ST6GALNAC3: variants seen among roughly 807,000 people sequenced by gnomAD.
The protein encoded by ST6GALNAC3 is alpha-N-acetylgalactosaminide alpha-2,6-sialyltransferase 3.
In ST6GALNAC3, 25 loss-of-function variants were observed where a neutral mutation model predicts 32.7. The ratio of observed to expected loss-of-function variants is 0.76; its 90% CI spans 0.56 to 1.07. The LOEUF (loss-of-function observed/expected upper bound fraction) is 1.07, where lower values mean the gene tolerates loss of function less well. Ranked by LOEUF, ST6GALNAC3 falls within the 50% of genes least tolerant of loss-of-function variation. The pLI, the probability that ST6GALNAC3 is intolerant of heterozygous loss-of-function variation, is 0.00. For synonymous variants in ST6GALNAC3, 129 were observed against 133.1 expected, an observed-to-expected ratio of 0.97 and a Z score of 0.21; for missense variants, 355 against 382.4, an observed-to-expected ratio of 0.93 and a Z score of 0.60.
chr1:76,126,408 C>T (rs1649244376), intron 1 of ST6GALNAC3, among the ~76,000 whole-genome samples: 1 of 141,728 alleles, frequency 7.1e-6, no homozygotes, highest in South Asian at 2.3e-4. Context: ...TTTTCCCTCC[C>T]TCCCTCCCTC....
intron 1 of ST6GALNAC3, among the ~76,000 whole-genome samples, chr1:76,177,168 G>C (rs1434239959): frequency 6.6e-6 from 1 of 152,074 alleles, no homozygotes; most frequent in Non-Finnish European, 1.5e-5. Context: ...AGTTAAATTG[G>C]AAACAAAAGT....
At chr1:76,434,631 T>G (rs1656002127) in intron 3 of ST6GALNAC3, among the ~76,000 whole-genome samples, 1 of 152,126 alleles carries the variant, frequency 6.6e-6, no homozygotes, top group Non-Finnish European at 1.5e-5. Flanking sequence ...AGGGAGAGGT[T>G]AAAGTTAAAA....
At chr1:76,380,610 C>T (rs1386764889) in intron 2 of ST6GALNAC3, among the ~76,000 whole-genome samples, 1 of 152,066 alleles carries the variant, frequency 6.6e-6, no homozygotes, top group African/African-American at 2.4e-5. Flanking sequence ...TGTCATGGAA[C>T]ACTATGTAGC....
At chr1:76,479,009 C>T (rs1426172135) in intron 3 of ST6GALNAC3, among the ~76,000 whole-genome samples, 1 of 151,990 alleles carries the variant, frequency 6.6e-6, no homozygotes, top group Admixed American at 6.6e-5. Flanking sequence ...GTGATCTGCC[C>T]ACCTTGGCCT....
chr1:76,592,943 TA>T (rs1473974724), intron 3 of ST6GALNAC3, among the ~76,000 whole-genome samples: 4 of 152,102 alleles, frequency 2.6e-5, no homozygotes, highest in African/African-American at 7.2e-5. Context: ...AATCCACTTT[TA>T]AAAGGGGAAT....
At chr1:76,360,973 G>T (rs748075818) in intron 2 of ST6GALNAC3, among the ~76,000 whole-genome samples, 1 of 152,068 alleles carries the variant, frequency 6.6e-6, no homozygotes, top group Non-Finnish European at 1.5e-5. Flanking sequence ...AGGAGTGAAG[G>T]CCAGGGTTTC....
intron 3 of ST6GALNAC3, among the ~76,000 whole-genome samples, chr1:76,439,205 G>A (rs1400333344): frequency 6.6e-6 from 1 of 152,136 alleles, no homozygotes; most frequent in Non-Finnish European, 1.5e-5. Flanking sequence ...GATCTCCAAG[G>A]GAGGGCATGA....
intron 3 of ST6GALNAC3, among the ~76,000 whole-genome samples, chr1:76,576,487 G>C (rs1227347799): frequency 1.3e-5 from 2 of 152,034 alleles, no homozygotes; most frequent in Non-Finnish European, 2.9e-5. Flanking sequence ...GTTAGACCAA[G>C]GAATCTTGGC....
chr1:76,267,670 G>T (rs1346668326), intron 1 of ST6GALNAC3, among the ~76,000 whole-genome samples: 3 of 152,058 alleles, frequency 2.0e-5, no homozygotes, highest in Non-Finnish European at 4.4e-5. Context: ...ATTGCAAATG[G>T]TCAAAACCAT....
chr1:76,161,353 G>T (rs888353805), intron 1 of ST6GALNAC3, among the ~76,000 whole-genome samples: 5 of 152,178 alleles, frequency 3.3e-5, no homozygotes, highest in African/African-American at 1.2e-4. Context: ...TTGCAACCCC[G>T]AGGTTTTCGA....
chr1:76,396,917 G>A (rs1653005780), intron 2 of ST6GALNAC3, among the ~76,000 whole-genome samples: 1 of 152,000 alleles, frequency 6.6e-6, no homozygotes, highest in Non-Finnish European at 1.5e-5. Context: ...GTACTAAAAG[G>A]GTAGTAATTT....
At chr1:76,617,061 G>A (rs1648343755) in intron 3 of ST6GALNAC3, among the ~76,000 whole-genome samples, 1 of 152,072 alleles carries the variant, frequency 6.6e-6, no homozygotes, top group Non-Finnish European at 1.5e-5. Flanking sequence ...TCCTTCCCTG[G>A]GGTGAAATCA....
At chr1:76,415,638 G>A (rs1174137764) in intron 3 of ST6GALNAC3, among the ~76,000 whole-genome samples, 3 of 151,980 alleles carry the variant, frequency 2.0e-5, no homozygotes, top group African/African-American at 7.2e-5. Context: ...AGTAGTCTTT[G>A]ATAGCTTCTT....
intron 1 of ST6GALNAC3, among the ~76,000 whole-genome samples, chr1:76,079,783 C>T (rs1646866730): frequency 6.6e-6 from 1 of 152,158 alleles, no homozygotes; most frequent in African/African-American, 2.4e-5. Context: ...CTCAGGAAAA[C>T]CTCTCAACTC....
At chr1:76,496,205 G>A (rs1332287832) in intron 3 of ST6GALNAC3, among the ~76,000 whole-genome samples, 1 of 152,158 alleles carries the variant, frequency 6.6e-6, no homozygotes, top group East Asian at 1.9e-4. Flanking sequence ...AAAACTGTAA[G>A]TCCACTGAGC....
intron 4 of ST6GALNAC3, 147 bp downstream of exon 4, chr1:76,627,706 C>T (rs780466218): frequency 1.9e-5 from 14 of 719,938 alleles, no homozygotes; most frequent in Non-Finnish European, 2.8e-5. Flanking sequence ...ATTTTATTGT[C>T]AGTGCGTCAA....
rs138986165 is a variant in ST6GALNAC3 at position 76,389,011 on chromosome 1, C to CTTTTTTTTTTTTTT, written c.214-22997_214-22996insTTTTTTTTTTTTTT. On this transcript the variant is annotated intron_variant, in intron 2 of 4. Transcript: ENST00000328299. ...GGTGTGGTTGTTAGTTGGTATATTT[C>CTTTTTTTTTTTTTT]CTTTTTTTTTTTTTTTTGAGACAGA... Among the ~76,000 whole-genome samples, 51 of 107,688 alleles carry CTTTTTTTTTTTTTT rather than the reference C, an allele frequency of 4.7e-4. 6 individuals carry two copies. The highest frequency in any genetic ancestry group is 5.7e-4 in the Non-Finnish European group (32 of 56,068). The allele number at this position is 107,688 out of a possible 152,430, so 70.6% of individuals were successfully genotyped here.
intron 3 of ST6GALNAC3, among the ~76,000 whole-genome samples, chr1:76,529,426 T>C (rs1013322270): frequency 6.6e-6 from 1 of 152,142 alleles, no homozygotes; most frequent in Non-Finnish European, 1.5e-5. Flanking sequence ...TATATAAGTG[T>C]CAAGCATGAT....
At chr1:76,319,750 A>G (rs921038591) in intron 2 of ST6GALNAC3, among the ~76,000 whole-genome samples, 1 of 152,210 alleles carries the variant, frequency 6.6e-6, no homozygotes, top group African/African-American at 2.4e-5. Context: ...TGAGTATTAA[A>G]TGTTATAGAA....
Sources: allele counts gnomAD v4.1 joint callset (sites outside exome capture counted in the v4.1 genomes callset), GRCh38; gene constraint gnomAD v4.1.1; transcripts MANE v1.5; gene names NCBI Gene and HGNC (gene_info 2026-07-23, HGNC 2026-07-21).